Variants in SBF2 observed in about 807,000 individuals in gnomAD.
SBF2 encodes the protein SET binding factor 2, also known as myotubularin-related protein 13.
SBF2 carries 112 observed loss-of-function variants against 225.2 expected under a neutral mutation model. The ratio of observed to expected loss-of-function variants is 0.50; its 90% CI spans 0.43 to 0.58. The LOEUF (loss-of-function observed/expected upper bound fraction) is 0.58, where lower values mean the gene tolerates loss of function less well. Among genes scored for constraint, SBF2 ranks in the 20% least tolerant of loss-of-function variants. The probability of loss-of-function intolerance (pLI) is 0.00; values close to 1 mark genes in which losing one functional copy is unlikely to be tolerated. For synonymous variants in SBF2, 763 were observed against 773.3 expected (o/e 0.99, Z 0.22); for missense variants, 1,996 against 2,206.2 (o/e 0.90, Z 1.91).
intron 32 of SBF2, among the ~76,000 whole-genome samples, chr11:9,798,122 T>C (rs1853246610): frequency 1.3e-5 from 2 of 152,244 alleles, no homozygotes; most frequent in Non-Finnish European, 2.9e-5. Flanking sequence ...TATGTGTGTC[T>C]CAGTAGTCAA....
At chr11:9,929,769 A>C (rs1303092704) in intron 16 of SBF2, among the ~76,000 whole-genome samples, 2 of 152,210 alleles carry the variant, frequency 1.3e-5, no homozygotes, top group Admixed American at 1.3e-4. Context: ...AACTTTTTGC[A>C]GGGAAAATGC....
At chr11:10,076,668 G>A (rs1410881967) in intron 2 of SBF2, among the ~76,000 whole-genome samples, 1 of 152,222 alleles carries the variant, frequency 6.6e-6, no homozygotes, top group Non-Finnish European at 1.5e-5. Flanking sequence ...AGGGAGCCCT[G>A]CCAGGCTGAA....
rs1043407295 is a variant in SBF2, at chr11:10,125,033, G to C, written c.141+68869C>G. On this transcript the variant is annotated intron_variant, in intron 2 of 39. Transcript: ENST00000256190. ...GGCAGGAGGAGAATTGCTTGAACCCGGGAGGCGGAGGTTGCAGTGAGCCGA... is the reference window on the plus strand; with the variant it reads ...GGCAGGAGGAGAATTGCTTGAACCCCGGAGGCGGAGGTTGCAGTGAGCCGA... Among the ~76,000 whole-genome samples, 16 of 151,378 alleles carry C rather than the reference G, an allele frequency of 1.1e-4. No individual in the cohort carries two copies. The South Asian group carries it at 2.3e-3, about 22-fold the overall frequency.
At chr11:9,948,988 C>T (rs1159245438) in intron 16 of SBF2, among the ~76,000 whole-genome samples, 1 of 151,980 alleles carries the variant, frequency 6.6e-6, no homozygotes, top group Non-Finnish European at 1.5e-5. Context: ...AAGCATAAGG[C>T]CCAGCTTCTA....
At chr11:10,076,909 C>T (rs566760977) in intron 2 of SBF2, among the ~76,000 whole-genome samples, 1 of 152,310 alleles carries the variant, frequency 6.6e-6, no homozygotes, top group Admixed American at 6.5e-5. Context: ...TTTGGCCTTG[C>T]CTCCATCAAC....
chr11:9,959,315 T>A, intron 16 of SBF2: 1 of 775,626 alleles, frequency 1.3e-6, no homozygotes, highest in East Asian at 2.4e-5. Context: ...TCTGCTCACA[T>A]ACTACAGTTA....
chr11:9,822,984 G>A (rs1854861396), intron 28 of SBF2, among the ~76,000 whole-genome samples: 1 of 152,132 alleles, frequency 6.6e-6, no homozygotes, highest in Non-Finnish European at 1.5e-5. Context: ...GTTATTTCAA[G>A]AATAAAATAA....
chr11:10,040,642 A>G (rs1400610017), intron 3 of SBF2, among the ~76,000 whole-genome samples: 1 of 152,014 alleles, frequency 6.6e-6, no homozygotes, highest in Non-Finnish European at 1.5e-5. Context: ...AGGTTTTATT[A>G]TATTGATGTT....
At chr11:9,974,258 C>A (rs996841321) in intron 13 of SBF2, among the ~76,000 whole-genome samples, 6 of 152,112 alleles carry the variant, frequency 3.9e-5, no homozygotes, top group African/African-American at 1.2e-4. Flanking sequence ...GTTTCTCAAC[C>A]TATGCACTAA....
intron 33 of SBF2, among the ~76,000 whole-genome samples, chr11:9,794,705 A>AAAAAAAAAAAAACC (rs1478606052): frequency 6.9e-6 from 1 of 145,206 alleles, no homozygotes; most frequent in Admixed American, 6.8e-5. Context: ...AAAAAAAAAA[A>AAAAAAAAAAAAACC]AAGACCAGGC....
chr11:10,111,267 A>AC (rs142144533), intron 2 of SBF2, among the ~76,000 whole-genome samples: 27,879 of 152,046 alleles, frequency 0.18, 2,689 homozygotes, highest in East Asian at 0.28. Flanking sequence ...AACAGAAGAA[A>AC]ATTTCCAGCC....
chr11:9,873,507 G>A (rs939622093), intron 17 of SBF2, among the ~76,000 whole-genome samples: 1 of 152,102 alleles, frequency 6.6e-6, no homozygotes, highest in African/African-American at 2.4e-5. Context: ...AGGGATAGTG[G>A]GGGCAGCAGC....
chr11:10,092,580 G>C (rs1245264019), intron 2 of SBF2, among the ~76,000 whole-genome samples: 1 of 152,180 alleles, frequency 6.6e-6, no homozygotes, highest in Non-Finnish European at 1.5e-5. Flanking sequence ...ATTTATCACA[G>C]ATCTGTTTTC....
At chr11:9,829,704 A>C in intron 27 of SBF2, 1 of 533,472 alleles carries the variant, frequency 1.9e-6, no homozygotes, top group Non-Finnish European at 3.4e-6. Flanking sequence ...GTTTTACCAC[A>C]CCTACTTCTT....
intron 16 of SBF2, among the ~76,000 whole-genome samples, chr11:9,946,986 T>C (rs1414882461): frequency 6.6e-6 from 1 of 152,192 alleles, no homozygotes; most frequent in African/African-American, 2.4e-5. Flanking sequence ...ACAAAAGTTG[T>C]TTTAGGAGAA....
At chr11:10,101,808 C>CT (rs957395272) in intron 2 of SBF2, among the ~76,000 whole-genome samples, 8 of 152,034 alleles carry the variant, frequency 5.3e-5, no homozygotes, top group Non-Finnish European at 1.0e-4. Context: ...CTAAGAATGT[C>CT]TTTCAGTGTC....
intron 29 of SBF2, among the ~76,000 whole-genome samples, chr11:9,815,724 C>T (rs1373853716): frequency 6.6e-6 from 1 of 152,142 alleles, no homozygotes; most frequent in Non-Finnish European, 1.5e-5. Context: ...GACACTGGCA[C>T]CAGCAACCCT....
intron 2 of SBF2, among the ~76,000 whole-genome samples, chr11:10,178,912 T>C (rs1392506967): frequency 4.1e-5 from 6 of 146,842 alleles, no homozygotes; most frequent in Admixed American, 6.9e-5. Context: ...TATTGTGGCA[T>C]TATTCACAAT....
chr11:9,837,264 T>C (rs1170898831), intron 26 of SBF2, among the ~76,000 whole-genome samples: 6 of 152,234 alleles, frequency 3.9e-5, no homozygotes, highest in African/African-American at 1.4e-4. Context: ...ACTGTTCCAC[T>C]GTAGACTTCT....
Sources: gnomAD v4.1 joint callset for allele counts (sites outside exome capture counted in the v4.1 genomes callset) on GRCh38, gnomAD v4.1.1 for gene constraint, MANE v1.5 for transcripts, NCBI Gene and HGNC (gene_info 2026-07-23, HGNC 2026-07-21) for gene names.